CNTNAP5: variants seen among roughly 807,000 people sequenced by gnomAD.
The protein encoded by CNTNAP5 is contactin associated protein family member 5, also known as contactin-associated protein-like 5.
In CNTNAP5, 72 loss-of-function variants were observed where a neutral mutation model predicts 150.2. That is an observed-to-expected ratio of 0.48 (90% confidence interval 0.40 to 0.58). CNTNAP5 has a LOEUF of 0.58. CNTNAP5 is among the 20% of genes least tolerant of loss of function. The probability of loss-of-function intolerance (pLI) is 0.00; values close to 1 mark genes in which losing one functional copy is unlikely to be tolerated. For synonymous variants in CNTNAP5, 672 were observed against 619.8 expected (o/e 1.08, Z -1.25); for missense variants, 1,636 against 1,626.2 (o/e 1.01, Z -0.10).
chr2:124,631,728 T>C (rs540235118), intron 12 of CNTNAP5, among the ~76,000 whole-genome samples: 9 of 152,278 alleles, frequency 5.9e-5, no homozygotes, highest in African/African-American at 2.2e-4. Context: ...AAATGGGATC[T>C]AATTAAACTA....
intron 1 of CNTNAP5, among the ~76,000 whole-genome samples, chr2:124,128,420 G>A (rs552213790): frequency 6.6e-6 from 1 of 152,242 alleles, no homozygotes; most frequent in Admixed American, 6.5e-5. Context: ...GAACAATGCT[G>A]GAGAGGATAT....
At chr2:124,764,181 G>A in intron 16 of CNTNAP5, 34 bp downstream of exon 16, 1 of 1,567,292 alleles carries the variant, frequency 6.4e-7, no homozygotes, top group East Asian at 2.2e-5. Flanking sequence ...TAATGTAACT[G>A]ATCAACAAAC....
At chr2:124,852,921 C>T (rs921605533) in intron 19 of CNTNAP5, among the ~76,000 whole-genome samples, 2 of 152,130 alleles carry the variant, frequency 1.3e-5, no homozygotes, top group Non-Finnish European at 2.9e-5. Flanking sequence ...GCAGCCAGCA[C>T]AGAGGGGTGC....
chr2:124,342,759 G>A (rs1449616426), intron 3 of CNTNAP5, among the ~76,000 whole-genome samples: 1 of 152,058 alleles, frequency 6.6e-6, no homozygotes, highest in Non-Finnish European at 1.5e-5. Context: ...GCTATAGAAA[G>A]TTTAAAAGAA....
intron 13 of CNTNAP5, among the ~76,000 whole-genome samples, chr2:124,735,980 C>T (rs1192061742): frequency 6.6e-6 from 1 of 152,160 alleles, no homozygotes; most frequent in Non-Finnish European, 1.5e-5. Flanking sequence ...CCTGTAATCA[C>T]AGCACTTTGG....
rs565311518 is a variant in CNTNAP5 at position 124,647,672 on chromosome 2, G to A, written c.1877-86G>A. On this transcript the variant is annotated intron_variant, in intron 12 of 23. Transcript: ENST00000682447. The stretch of plus-strand genomic sequence containing the variant: ...ACCGGAGTGTTGATTAATGTTGCAC[G>A]CTGAGTGGCCCATCACACTGCTCAC... The A allele has an allele frequency of 9.9e-5, 122 of 1,238,156 alleles. No individual in the cohort carries two copies. In the Admixed American group the frequency reaches 1.5e-3, roughly 15 times the overall value. 76.7% of individuals were successfully genotyped at this position (1,238,156 alleles called of 1,614,324 possible). A position where few individuals can be genotyped will look rare whatever the true frequency, so the allele number is the denominator to read the frequency against.
intron 10 of CNTNAP5, among the ~76,000 whole-genome samples, chr2:124,540,317 T>C (rs12468237): frequency 0.42 from 63,403 of 152,052 alleles, 13,714 homozygotes; most frequent in East Asian, 0.64. Flanking sequence ...AATCATTGTA[T>C]TGAGAATTGT....
At chr2:124,430,196 G>A (rs905687782) in intron 4 of CNTNAP5, among the ~76,000 whole-genome samples, 1 of 152,122 alleles carries the variant, frequency 6.6e-6, no homozygotes, top group African/African-American at 2.4e-5. Context: ...GGTCCAAGTG[G>A]GCAGCGCATG....
intron 2 of CNTNAP5, among the ~76,000 whole-genome samples, chr2:124,233,153 C>T (rs1020821694): frequency 6.6e-6 from 1 of 151,800 alleles, no homozygotes; most frequent in Non-Finnish European, 1.5e-5. Context: ...TTCAACAATA[C>T]CATCCTCAGT....
At chr2:124,102,978 A>G (rs1406929657) in intron 1 of CNTNAP5, among the ~76,000 whole-genome samples, 1 of 152,172 alleles carries the variant, frequency 6.6e-6, no homozygotes, top group Non-Finnish European at 1.5e-5. Flanking sequence ...TCAGTCATGC[A>G]CCACATCACA....
At position 124,501,537 on chromosome 2, in the gene CNTNAP5, C is replaced by T. The variant is rs373011971; in HGVS notation, c.1063-2755C>T. Among the ~76,000 whole-genome samples the T allele has an allele frequency of 3.7e-3, 564 of 152,192 alleles. 4 individuals are homozygous for T. Among genetic ancestry groups the T allele is most frequent in the Middle Eastern group, 0.017 (5 of 294 alleles). On this transcript the variant is annotated intron_variant, in intron 7 of 23. Coordinates refer to ENST00000682447, the MANE Select transcript of CNTNAP5 (RefSeq NM_001367498.1). ...TTCTCACATGGCTTTTCTAAATGGC[C>T]GGTGGGAACTTCCTCAAATGCCGTC... is the stretch of plus-strand genomic sequence containing the variant.
At chr2:124,866,993 A>G (rs1677646613) in intron 20 of CNTNAP5, among the ~76,000 whole-genome samples, 2 of 152,050 alleles carry the variant, frequency 1.3e-5, no homozygotes, top group African/African-American at 2.4e-5. Context: ...TACCTACCAC[A>G]TGTGTGTTTG....
chr2:124,189,258 G>A (rs1422535933), intron 1 of CNTNAP5, among the ~76,000 whole-genome samples: 2 of 152,148 alleles, frequency 1.3e-5, no homozygotes, highest in Non-Finnish European at 2.9e-5. Flanking sequence ...GATAAACAAA[G>A]TAAATCAGTA....
chr2:124,361,869 T>G (rs1278822332), intron 3 of CNTNAP5, among the ~76,000 whole-genome samples: 1 of 152,178 alleles, frequency 6.6e-6, no homozygotes, highest in African/African-American at 2.4e-5. Flanking sequence ...TTTGTTTACC[T>G]AAGCAAGCCT....
intron 3 of CNTNAP5, among the ~76,000 whole-genome samples, chr2:124,314,398 C>T (rs72964637): frequency 2.1e-3 from 315 of 152,216 alleles, no homozygotes; most frequent in African/African-American, 7.0e-3. Flanking sequence ...CCGTAGTGGG[C>T]CCTGAGAGAC....
At chr2:124,326,637 A>T (rs1375178491) in intron 3 of CNTNAP5, among the ~76,000 whole-genome samples, 1 of 152,170 alleles carries the variant, frequency 6.6e-6, no homozygotes, top group African/African-American at 2.4e-5. Flanking sequence ...TAAAATGAGC[A>T]TTATAGGCCA....
intron 1 of CNTNAP5, among the ~76,000 whole-genome samples, chr2:124,171,574 A>G (rs1438319905): frequency 6.6e-6 from 1 of 152,072 alleles, no homozygotes. Context: ...CATTTTGCAA[A>G]TTATTTCTGT....
chr2:124,633,386 A>G (rs1677904030), intron 12 of CNTNAP5, among the ~76,000 whole-genome samples: 1 of 152,230 alleles, frequency 6.6e-6, no homozygotes, highest in Non-Finnish European at 1.5e-5. Flanking sequence ...TACAGGCACC[A>G]TGAAACTCAG....
intron 1 of CNTNAP5, among the ~76,000 whole-genome samples, chr2:124,127,173 C>T (rs1231418453): frequency 8.5e-5 from 13 of 152,096 alleles, no homozygotes; most frequent in Non-Finnish European, 7.3e-5. Context: ...TCGTCTCAGC[C>T]CAAAATCTCC....
Sources: allele counts gnomAD v4.1 joint callset (sites outside exome capture counted in the v4.1 genomes callset), GRCh38; gene constraint gnomAD v4.1.1; transcripts MANE v1.5; gene names NCBI Gene and HGNC (gene_info 2026-07-23, HGNC 2026-07-21).